The following STON2 variants were observed in gnomAD, a reference collection of about 807,000 sequenced individuals.
The protein encoded by STON2 is stonin-2.
Under a neutral mutation model 65.7 loss-of-function variants are expected in STON2, and 29 were observed. The observed-to-expected ratio is 0.44, with a 90% CI of 0.33 to 0.60. The LOEUF (loss-of-function observed/expected upper bound fraction) is 0.60, where lower values mean the gene tolerates loss of function less well. STON2 is among the 20% of genes least tolerant of loss of function. The pLI, the probability that STON2 is intolerant of heterozygous loss-of-function variation, is 0.03. For missense variants in STON2, 1,054 were observed against 1,118.1 expected (o/e 0.94, Z 0.82); for synonymous variants, 404 against 414.2 (o/e 0.98, Z 0.30).
chr14:81,423,633 T>C (rs926416969), intron 2 of STON2, among the ~76,000 whole-genome samples: 3 of 152,172 alleles, frequency 2.0e-5, no homozygotes, highest in African/African-American at 7.2e-5. Flanking sequence ...CCCCTCCCTC[T>C]TCCCCCAACA....
At chr14:81,425,435 G>A (rs991616795) in intron 2 of STON2, among the ~76,000 whole-genome samples, 30 of 152,170 alleles carry the variant, frequency 2.0e-4, no homozygotes, top group Non-Finnish European at 1.0e-4. Context: ...AGCTGGGCAC[G>A]GTGGCTCACA....
intron 2 of STON2, among the ~76,000 whole-genome samples, chr14:81,409,194 C>T (rs1901026493): frequency 2.0e-5 from 3 of 152,086 alleles, no homozygotes; most frequent in Admixed American, 2.0e-4. Flanking sequence ...CACTTGAGAT[C>T]AGGATTTTCT....
In STON2 at chr14:81,293,804, TG is replaced by T. The variant is rs1246162323; in HGVS notation, c.743-15066del. On this transcript the variant is annotated intron_variant, in intron 5 of 7. Coordinates refer to ENST00000614646, the MANE Select transcript of STON2 (RefSeq NM_001394390.1). ...GGCTACTCATGGGACTGCAGACCCA[TG>T]AGTGGGCTGCTGAGGAGGTCAGCTG... Among the ~76,000 whole-genome samples, 11 of 152,158 alleles carry T rather than the reference TG, an allele frequency of 7.2e-5. No individual in the cohort carries two copies. In the South Asian group the frequency reaches 1.9e-3, roughly 26 times the overall value.
At chr14:81,301,339 C>T (rs1321266625) in intron 5 of STON2, among the ~76,000 whole-genome samples, 3 of 151,988 alleles carry the variant, frequency 2.0e-5, no homozygotes, top group Non-Finnish European at 2.9e-5. Flanking sequence ...ACTGCCAGGT[C>T]CTATGACAAG....
rs1894184000 is a variant in STON2 at position 81,262,373 on chromosome 14, C to T, written c.*6041G>A. The T allele has an allele frequency of 3.0e-6, 3 of 985,374 alleles. No homozygotes were observed. Among genetic ancestry groups the T allele is most frequent in the Non-Finnish European group, 3.6e-6 (3 of 829,884 alleles). The allele number at this position is 985,374 out of a possible 1,614,324, so 61.0% of individuals were successfully genotyped here. On this transcript the variant is annotated 3_prime_UTR_variant, in exon 8 of 8. Coordinates refer to ENST00000614646, the MANE Select transcript of STON2 (RefSeq NM_001394390.1). ...GCTGGCTGCTAACACAGCACCTGACCAGAGTAGACATTTGATAAATATTTG... is the reference window on the plus strand; with the variant it reads ...GCTGGCTGCTAACACAGCACCTGACTAGAGTAGACATTTGATAAATATTTG...
At chr14:81,272,182 G>A (rs4903974) in intron 6 of STON2, among the ~76,000 whole-genome samples, 8,056 of 152,184 alleles carry the variant, frequency 0.053, 360 homozygotes, top group Admixed American at 0.14. Context: ...AGATTGCGCC[G>A]CTGCACTCCA....
At chr14:81,333,389 G>A (rs1897273979) in intron 4 of STON2, 1 of 434,530 alleles carries the variant, frequency 2.3e-6, no homozygotes, top group African/African-American at 2.0e-5. Flanking sequence ...AGACAGCCAG[G>A]GAGGCTATTC....
At chr14:81,320,604 A>G (rs1233824712) in intron 5 of STON2, among the ~76,000 whole-genome samples, 1 of 151,294 alleles carries the variant, frequency 6.6e-6, no homozygotes, top group East Asian at 2.0e-4. Flanking sequence ...CTGCCTGCAC[A>G]TGCACACATC....
intron 2 of STON2, among the ~76,000 whole-genome samples, chr14:81,414,518 C>A (rs1901326374): frequency 6.6e-6 from 1 of 151,946 alleles, no homozygotes; most frequent in African/African-American, 2.4e-5. Flanking sequence ...AATACAAGGG[C>A]ATGCATGAGT....
chr14:81,424,794 C>T (rs1446279422), intron 2 of STON2, among the ~76,000 whole-genome samples: 1 of 152,196 alleles, frequency 6.6e-6, no homozygotes, highest in Non-Finnish European at 1.5e-5. Flanking sequence ...ATTCTCCTTA[C>T]TTTCTCAATC....
Position 81,277,599 on chromosome 14 carries a change from A to C in STON2, c.1883T>G (p.Ile628Ser). 1 of 1,614,052 alleles carries C rather than the reference A, an allele frequency of 6.2e-7. No homozygotes were observed. The highest frequency in any genetic ancestry group is 2.2e-5 in the East Asian group (1 of 44,866). Residue 628 changes from isoleucine to serine, a missense_variant, in exon 6 of 8, where the codon ATT becomes AGT. Coordinates refer to ENST00000614646, the MANE Select transcript of STON2 (RefSeq NM_001394390.1). ...GAATTCATCTCTGACATCCACTGTA[A>C]TCTCCTCTTCAAGGTAGTTGAGGCC... The part of the protein sequence containing the change: ...TVGLNYLEEE[I>S]TVDVRDEFSG...
chr14:81,371,163 GC>G lies in STON2; in HGVS notation c.395del (p.Cys132SerfsTer15). 1 of 1,614,168 alleles carries G rather than the reference GC, an allele frequency of 6.2e-7. No homozygotes were observed. The highest frequency in any genetic ancestry group is 8.5e-7 in the Non-Finnish European group (1 of 1,180,016). ...AETALPLTMP[C>X]WTCPSFDSLG... ...GGGAGTCAAAGGAAGGGCATGTCCA[GC>G]AGGGCATGGTCAATGGTAGGGCTGG... On this transcript the variant is annotated frameshift_variant, in exon 4 of 8. Transcript: ENST00000614646. LOFTEE classifies it high-confidence loss of function.
At chr14:81,420,144 G>T (rs1039387145) in intron 2 of STON2, among the ~76,000 whole-genome samples, 1 of 152,160 alleles carries the variant, frequency 6.6e-6, no homozygotes, top group Admixed American at 6.5e-5. Context: ...ACTTCATCTG[G>T]GTCCTGAAGT....
upstream of STON2, among the ~76,000 whole-genome samples, chr14:81,403,729 A>G (rs1900715769): frequency 6.6e-6 from 1 of 152,138 alleles, no homozygotes; most frequent in Non-Finnish European, 1.5e-5. Context: ...TGGCAATCCA[A>G]TGAGCTCTTT....
intron 3 of STON2, among the ~76,000 whole-genome samples, chr14:81,378,781 T>C (rs1334538307): frequency 6.6e-6 from 1 of 152,182 alleles, no homozygotes; most frequent in Non-Finnish European, 1.5e-5. Context: ...TGGGTTAACA[T>C]TAGAAAATCA....
chr14:81,371,478 G>C (rs903457302), intron 3 of STON2, among the ~76,000 whole-genome samples: 4 of 151,892 alleles, frequency 2.6e-5, no homozygotes, highest in Non-Finnish European at 5.9e-5. Context: ...GGCGGATCAC[G>C]AGGTCAGGAG....
At chr14:81,273,963 T>G (rs914307401) in intron 6 of STON2, among the ~76,000 whole-genome samples, 1 of 152,194 alleles carries the variant, frequency 6.6e-6, no homozygotes, top group Admixed American at 6.5e-5. Context: ...CAGGGCTGTC[T>G]GAACACCTAG....
chr14:81,429,832 G>A (rs561899752), intron 1 of STON2, among the ~76,000 whole-genome samples: 1 of 152,116 alleles, frequency 6.6e-6, no homozygotes, highest in African/African-American at 2.4e-5. Context: ...CTACTCGGCA[G>A]GCTGAGGCAG....
At chr14:81,315,652 G>A (rs1896591436) in intron 5 of STON2, among the ~76,000 whole-genome samples, 2 of 152,200 alleles carry the variant, frequency 1.3e-5, no homozygotes. Flanking sequence ...CTTTCTCAGG[G>A]GCAGAAACAC....
Sources: allele counts gnomAD v4.1 joint callset (sites outside exome capture counted in the v4.1 genomes callset), GRCh38; gene constraint gnomAD v4.1.1; transcripts MANE v1.5; gene names NCBI Gene and HGNC (gene_info 2026-07-23, HGNC 2026-07-21).